The following DOCK10 variants were observed in gnomAD, a reference collection of about 807,000 sequenced individuals.
DOCK10 encodes the protein dedicator of cytokinesis protein 10.
Under a neutral mutation model 280.1 loss-of-function variants are expected in DOCK10, and 145 were observed. The ratio of observed to expected loss-of-function variants is 0.52; its 90% CI spans 0.45 to 0.59. The LOEUF (loss-of-function observed/expected upper bound fraction) is 0.59, where lower values mean the gene tolerates loss of function less well. Among genes scored for constraint, DOCK10 ranks in the 20% least tolerant of loss-of-function variants. The pLI is 0.00. For missense variants in DOCK10, 2,368 were observed against 2,651.7 expected, an observed-to-expected ratio of 0.89 and a Z score of 2.35; for synonymous variants, 915 against 942.2, an observed-to-expected ratio of 0.97 and a Z score of 0.53.
At chr2:224,890,614 A>G (rs1226137874) in intron 4 of DOCK10, among the ~76,000 whole-genome samples, 1 of 152,242 alleles carries the variant, frequency 6.6e-6, no homozygotes, top group African/African-American at 2.4e-5. Context: ...CAGAAAGGAA[A>G]AGAAGCTACT....
chr2:225,040,956 A>G (rs868048127), intron 1 of DOCK10, among the ~76,000 whole-genome samples: 23 of 152,144 alleles, frequency 1.5e-4, no homozygotes, highest in African/African-American at 4.8e-4. Context: ...CTAACAGTTG[A>G]ACCACCTCTG....
chr2:224,946,794 A>G lies in DOCK10; in HGVS notation c.124-15126T>C, dbSNP rs150743459. The G allele has an allele frequency of 7.2e-4, 997 of 1,384,884 alleles. 15 individuals are homozygous for G. In the African/African-American group the frequency reaches 0.013, roughly 19 times the overall value. 85.8% of individuals were successfully genotyped at this position (1,384,884 alleles called of 1,614,324 possible). A position where few individuals can be genotyped will look rare whatever the true frequency, so the allele number is the denominator to read the frequency against. ...CACTGTAGAGCTAATCATTTTTGAA[A>G]GAAAGGATTGAAGGAAAGATGGAAA... On this transcript the variant is annotated intron_variant, in intron 1 of 55. Coordinates refer to ENST00000258390, the MANE Select transcript of DOCK10 (RefSeq NM_014689.3).
Position 224,802,941 on chromosome 2 carries a change from C to T in DOCK10, c.4269-901G>A, listed in dbSNP as rs1442362167. On this transcript the variant is annotated intron_variant, in intron 39 of 55. Coordinates refer to ENST00000258390, the MANE Select transcript of DOCK10 (RefSeq NM_014689.3). Reference sequence around the variant, plus strand: ...ATCAGAAAACCTGGATGGGTGGAGGCCAAGGAGATGAGACTTTGGCTTTCA... The same window carrying T: ...ATCAGAAAACCTGGATGGGTGGAGGTCAAGGAGATGAGACTTTGGCTTTCA... Among the ~76,000 whole-genome samples, 5 of 152,184 alleles carry T rather than the reference C, an allele frequency of 3.3e-5. No homozygotes were observed. The East Asian group carries it at 9.7e-4, about 29-fold the overall frequency.
chr2:224,833,638 A>C (rs556817084), intron 26 of DOCK10, among the ~76,000 whole-genome samples: 9 of 149,712 alleles, frequency 6.0e-5, no homozygotes, highest in African/African-American at 2.3e-4. Context: ...TTTCTAACAT[A>C]CAATATCTAT....
At chr2:225,029,353 G>C (rs1354587138) in intron 1 of DOCK10, among the ~76,000 whole-genome samples, 1 of 152,046 alleles carries the variant, frequency 6.6e-6, no homozygotes, top group Non-Finnish European at 1.5e-5. Flanking sequence ...TGTATTTTTA[G>C]TAGAGACAGG....
In DOCK10 at chr2:224,845,141, T is replaced by C. The variant is rs187056045; in HGVS notation, c.2481+62A>G. ...GATCTTAAGTAGCAGAGAAAGAAGA[T>C]AATCTTATGCCATTAAGCTGGTGTG... is the stretch of plus-strand genomic sequence containing the variant. On this transcript the variant is annotated intron_variant, in intron 21 of 55. Transcript: ENST00000258390. 1.3e-4 allele frequency: 198 copies of C among 1,486,046 alleles called. No homozygotes were observed. The East Asian group carries it at 4.5e-3, about 34-fold the overall frequency. 92.1% of individuals were successfully genotyped at this position (1,486,046 alleles called of 1,614,324 possible). A position where few individuals can be genotyped will look rare whatever the true frequency, so the allele number is the denominator to read the frequency against.
chr2:224,886,064 C>G lies in DOCK10; in HGVS notation c.611G>C (p.Arg204Pro), dbSNP rs750623207. ...NSTVNNTVTV[R>P]SFKKRYFQLT... ...AGATGAGTCTTGATATCTCCTTACC[C>G]GAACAGTAACGGTGTTGTTCACGGT... is the stretch of plus-strand genomic sequence containing the variant. The change falls in exon 6 of 56, where the codon CGG becomes CCG. Residue 204 changes from arginine (R) to proline (P), a missense_variant and splice_region_variant. Coordinates refer to ENST00000258390, the MANE Select transcript of DOCK10 (RefSeq NM_014689.3). 4 of 1,613,656 alleles carry G rather than the reference C, an allele frequency of 2.5e-6. No homozygotes were observed. The highest frequency in any genetic ancestry group is 1.3e-5 in the African/African-American group (1 of 74,872).
intron 1 of DOCK10, among the ~76,000 whole-genome samples, chr2:224,990,106 A>G (rs1185043756): frequency 6.6e-6 from 1 of 152,188 alleles, no homozygotes; most frequent in Admixed American, 6.5e-5. Flanking sequence ...TTTGGCATTG[A>G]TGCAGCTCAA....
Position 224,845,787 on chromosome 2 carries a change from G to A in DOCK10, c.2236-145C>T, listed in dbSNP as rs1010674714. On this transcript the variant is annotated intron_variant, in intron 19 of 55. Coordinates refer to ENST00000258390, the MANE Select transcript of DOCK10 (RefSeq NM_014689.3). ...CACCTACGCTGGAGTGCAATGGCAC[G>A]ATCTAGGCTCACTGCAACCTCTGCC... 87 of 732,014 alleles carry A rather than the reference G, an allele frequency of 1.2e-4. 2 individuals are homozygous for A. Among genetic ancestry groups the A allele is most frequent in the South Asian group, 1.1e-3 (53 of 50,250 alleles). The allele number at this position is 732,014 out of a possible 1,614,324, so 45.3% of individuals were successfully genotyped here. A position where few individuals can be genotyped will look rare whatever the true frequency, so the allele number is the denominator to read the frequency against.
At position 225,003,241 on chromosome 2, in the gene DOCK10, C is replaced by T. The variant is rs1429960151; in HGVS notation, c.123+39011G>A. On this transcript the variant is annotated intron_variant, in intron 1 of 55. Transcript: ENST00000258390. The stretch of plus-strand genomic sequence containing the variant: ...TGTATTTTTAGTAGAGGCAGGATTT[C>T]ACCATGTTGCCCAGGCTGGTCTTGA... Among the ~76,000 whole-genome samples, 3 of 152,138 alleles carry T rather than the reference C, an allele frequency of 2.0e-5. No individual in the cohort carries two copies. In the East Asian group the frequency reaches 5.8e-4, roughly 29 times the overall value.
At position 224,969,163 on chromosome 2, in the gene DOCK10, C is replaced by A. The variant is rs138508493; in HGVS notation, c.124-37495G>T. 1.1e-3 allele frequency among the ~76,000 whole-genome samples: 170 copies of A among 152,232 alleles called. 2 individuals carry two copies. Among genetic ancestry groups the A allele is most frequent in the African/African-American group, 3.9e-3 (164 of 41,538 alleles). On this transcript the variant is annotated intron_variant, in intron 1 of 55. Transcript: ENST00000258390. ...AAAAATGTGCACTTGTGTGAAGCAG[C>A]AGCAGTCCTCTCAAATGGGGGTACC...
intron 50 of DOCK10, among the ~76,000 whole-genome samples, chr2:224,783,422 T>C (rs576829307): frequency 1.5e-4 from 23 of 151,972 alleles, no homozygotes; most frequent in Middle Eastern, 6.8e-3. Flanking sequence ...TTACAGGCGC[T>C]CGCCACCACG....
At chr2:224,852,488 A>G in intron 17 of DOCK10, 46 bp from the exon 18 acceptor site, 1 of 1,493,136 alleles carries the variant, frequency 6.7e-7, no homozygotes, top group Non-Finnish European at 9.1e-7. Flanking sequence ...TTCCTATCAA[A>G]TAACATAAAA....
chr2:224,856,611 A>G (rs1697161459), intron 15 of DOCK10, among the ~76,000 whole-genome samples: 1 of 152,230 alleles, frequency 6.6e-6, no homozygotes, highest in African/African-American at 2.4e-5. Flanking sequence ...ATTTTAAACC[A>G]TTAAGTTTTG....
rs556224784 is a variant in DOCK10 at position 224,918,570 on chromosome 2, T to C, written c.244-1786A>G. Among the ~76,000 whole-genome samples the C allele has an allele frequency of 2.0e-5, 3 of 148,862 alleles. No individual in the cohort carries two copies. In the South Asian group the frequency reaches 6.5e-4, roughly 32 times the overall value. Reference sequence around the variant, plus strand: ...TATGTGTGAGTGTGTGTGGTGAGTGTGTATGTGTATGTGGTATGAGTGTGT... The same window carrying C: ...TATGTGTGAGTGTGTGTGGTGAGTGCGTATGTGTATGTGGTATGAGTGTGT... On this transcript the variant is annotated intron_variant, in intron 2 of 55. Transcript: ENST00000258390.
chr2:224,922,911 T>C (rs1559773548), intron 2 of DOCK10, among the ~76,000 whole-genome samples: 1 of 152,214 alleles, frequency 6.6e-6, no homozygotes, highest in Non-Finnish European at 1.5e-5. Context: ...TAAGAACTAT[T>C]AACTAAAACT....
intron 13 of DOCK10, 26 bp from the exon 14 acceptor site, chr2:224,862,772 TG>T: frequency 7.0e-7 from 1 of 1,420,384 alleles, no homozygotes; most frequent in Non-Finnish European, 9.8e-7. Flanking sequence ...ATACAAATAT[TG>T]TTTAGAATAG....
chr2:224,858,934 A>G (rs1415033555), intron 14 of DOCK10, among the ~76,000 whole-genome samples: 1 of 152,250 alleles, frequency 6.6e-6, no homozygotes, highest in Non-Finnish European at 1.5e-5. Flanking sequence ...CACAAACAGC[A>G]TGAATAACCA....
At chr2:224,791,785 C>G (rs1692214386) in intron 47 of DOCK10, among the ~76,000 whole-genome samples, 1 of 151,980 alleles carries the variant, frequency 6.6e-6, no homozygotes, top group Admixed American at 6.6e-5. Flanking sequence ...GTTCAAATGT[C>G]TTATATGCAA....
Sources: allele counts gnomAD v4.1 joint callset (sites outside exome capture counted in the v4.1 genomes callset), GRCh38; gene constraint gnomAD v4.1.1; transcripts MANE v1.5; gene names NCBI Gene and HGNC (gene_info 2026-07-23, HGNC 2026-07-21).